The following MARCHF10 variants were observed in gnomAD, a reference collection of about 807,000 sequenced individuals.
MARCHF10 encodes the protein membrane associated ring-CH-type finger 10.
A neutral mutation model predicts 76.2 loss-of-function variants in MARCHF10; 64 were observed. The observed-to-expected ratio is 0.84, with a 90% CI of 0.69 to 1.03. MARCHF10 has a LOEUF of 1.03. Among genes scored for constraint, MARCHF10 ranks in the 50% least tolerant of loss-of-function variants. The pLI, the probability that MARCHF10 is intolerant of heterozygous loss-of-function variation, is 0.00. For missense variants in MARCHF10, 875 were observed against 958.0 expected, an observed-to-expected ratio of 0.91 and a Z score of 1.14; for synonymous variants, 340 against 357.5, an observed-to-expected ratio of 0.95 and a Z score of 0.55.
chr17:62,803,114 AT>A (rs946124485), intron 1 of MARCHF10, among the ~76,000 whole-genome samples: 3 of 152,086 alleles, frequency 2.0e-5, no homozygotes, highest in Admixed American at 1.3e-4. Flanking sequence ...TAGCAAGACC[AT>A]TTCTATTTAA....
chr17:62,728,089 AT>A (rs2090848630), intron 6 of MARCHF10, among the ~76,000 whole-genome samples: 1 of 152,204 alleles, frequency 6.6e-6, no homozygotes, highest in African/African-American at 2.4e-5. Context: ...CCCAGTGGCA[AT>A]CATAGCTCAC....
chr17:62,746,993 C>G, intron 4 of MARCHF10: 1 of 1,527,456 alleles, frequency 6.5e-7, no homozygotes, highest in Non-Finnish European at 8.8e-7. Flanking sequence ...GGAAAAAACC[C>G]TTACTTTCAG....
intron 3 of MARCHF10, among the ~76,000 whole-genome samples, chr17:62,781,531 TAA>T (rs2092657837): frequency 6.6e-6 from 1 of 152,234 alleles, no homozygotes; most frequent in Non-Finnish European, 1.5e-5. Flanking sequence ...AGTACCACTC[TAA>T]AGAACTTCTC....
At chr17:62,724,901 G>A in intron 7 of MARCHF10, 37 bp downstream of exon 7, 2 of 1,606,314 alleles carry the variant, frequency 1.2e-6, no homozygotes, top group South Asian at 1.1e-5. Flanking sequence ...TTAATTACAT[G>A]TCGTGGCACG....
chr17:62,741,448 C>T (rs1450621220), intron 5 of MARCHF10, among the ~76,000 whole-genome samples: 1 of 152,224 alleles, frequency 6.6e-6, no homozygotes, highest in Non-Finnish European at 1.5e-5. Flanking sequence ...GCTATGAAAG[C>T]ATCTCTCTCA....
intron 3 of MARCHF10, among the ~76,000 whole-genome samples, chr17:62,765,351 CAAAAAAAAAA>C (rs57082084): frequency 9.5e-5 from 7 of 73,618 alleles, no homozygotes; most frequent in South Asian, 5.6e-4. Flanking sequence ...GACTCTGTCT[CAAAAAAAAAA>C]AAAAAAAAAA....
chr17:62,744,909 C>T (rs1416709104), intron 4 of MARCHF10, among the ~76,000 whole-genome samples: 1 of 144,824 alleles, frequency 6.9e-6, no homozygotes, highest in East Asian at 2.3e-4. Context: ...GAGGCTGAGG[C>T]AGGAGAATTG....
intron 3 of MARCHF10, among the ~76,000 whole-genome samples, chr17:62,772,279 T>A (rs1022447027): frequency 6.6e-6 from 1 of 152,122 alleles, no homozygotes; most frequent in African/African-American, 2.4e-5. Context: ...AAGGGGAGTT[T>A]CCCTGCACAA....
chr17:62,757,730 C>A (rs1350200164), intron 4 of MARCHF10, among the ~76,000 whole-genome samples: 2 of 152,202 alleles, frequency 1.3e-5, no homozygotes, highest in African/African-American at 4.8e-5. Context: ...AGGGCCAGAA[C>A]GCAGTGATGA....
At chr17:62,793,286 A>ACCCACCACCACCACAACCATCACCC (rs2092908743) in intron 2 of MARCHF10, among the ~76,000 whole-genome samples, 1 of 62,244 alleles carries the variant, frequency 1.6e-5, no homozygotes, top group Non-Finnish European at 3.2e-5. Context: ...AACCATCACC[A>ACCCACCACCACCACAACCATCACCC]CCCACCACCA....
chr17:62,806,051 A>T (rs2093159308), intron 1 of MARCHF10, among the ~76,000 whole-genome samples: 1 of 152,192 alleles, frequency 6.6e-6, no homozygotes, highest in African/African-American at 2.4e-5. Flanking sequence ...TTTTTATTTA[A>T]ATACATCAAG....
chr17:62,804,914 G>A (rs1598097845), intron 1 of MARCHF10: 3 of 152,186 alleles, frequency 2.0e-5, no homozygotes, highest in Non-Finnish European at 1.5e-5. Context: ...AGGTGTATAC[G>A]TTCTGCGGCA....
intron 3 of MARCHF10, among the ~76,000 whole-genome samples, chr17:62,787,698 A>C (rs1402258538): frequency 6.6e-6 from 1 of 152,148 alleles, no homozygotes. Flanking sequence ...AAGTTTTGTG[A>C]CTTCTCTAAG....
At chr17:62,743,873 G>T (rs559046721) in intron 5 of MARCHF10, among the ~76,000 whole-genome samples, 1 of 152,306 alleles carries the variant, frequency 6.6e-6, no homozygotes, top group East Asian at 1.9e-4. Flanking sequence ...TCTCTGAGTT[G>T]AGTGCCCTGG....
chr17:62,747,010 TA>T (rs1396779805), intron 4 of MARCHF10: 1 of 1,479,472 alleles, frequency 6.8e-7, no homozygotes, highest in Non-Finnish European at 9.1e-7. Flanking sequence ...TCAGCGTTTT[TA>T]AAAAATGGCC....
rs1403765254 is a variant in MARCHF10 at position 62,712,844 on chromosome 17, A to G, written c.2215-1500T>C. 6.6e-6 allele frequency among the ~76,000 whole-genome samples: 1 copy of G among 152,178 alleles called. No homozygotes were observed. The highest frequency in any genetic ancestry group is 1.5e-5 in the Non-Finnish European group (1 of 68,028). ...ACTGCAACCTCCACCTCCCAGGTTCAAGCAATTCTCCTGCCTCAGCCTCCT... is the reference window on the plus strand; with the variant it reads ...ACTGCAACCTCCACCTCCCAGGTTCGAGCAATTCTCCTGCCTCAGCCTCCT... On this transcript the variant is annotated intron_variant, in intron 8 of 10. Transcript: ENST00000311269. This position sits in a 1 kb window ranked among gnomAD's most constrained non-coding sequence, Gnocchi z 4.2.
At position 62,725,047 on chromosome 17, in the gene MARCHF10, G is replaced by A. The variant is rs1458024633; in HGVS notation, c.1995C>T (p.Ala665=). The A allele has an allele frequency of 3.1e-6, 5 of 1,608,288 alleles. No individual in the cohort carries two copies. The highest frequency in any genetic ancestry group is 2.2e-5 in the East Asian group (1 of 44,490). Reference sequence around the variant, plus strand: ...GGAGGGGGTTGCTTGGGGAACCCCCGGCTATCTGACAGATGCGACACAAGT... The same window carrying A: ...GGAGGGGGTTGCTTGGGGAACCCCCAGCTATCTGACAGATGCGACACAAGT... ...EGDLCRICQI[A]GGSPSNPLLE... is the part of the protein sequence containing the mutation. Residue 665 remains alanine, a synonymous_variant, in exon 7 of 11, where the codon GCC becomes GCT. Coordinates refer to ENST00000311269, the MANE Select transcript of MARCHF10 (RefSeq NM_152598.4).
intron 6 of MARCHF10, among the ~76,000 whole-genome samples, chr17:62,730,631 C>T (rs2090983816): frequency 6.6e-6 from 1 of 152,192 alleles, no homozygotes; most frequent in Non-Finnish European, 1.5e-5. Context: ...CGTGGTGGCT[C>T]ATGCCTATAA....
chr17:62,772,796 G>C (rs1292568937), intron 3 of MARCHF10, among the ~76,000 whole-genome samples: 2 of 152,202 alleles, frequency 1.3e-5, no homozygotes, highest in East Asian at 3.8e-4. Flanking sequence ...AGCAGCATTA[G>C]CAGGACCTGT....
Sources: allele counts gnomAD v4.1 joint callset (sites outside exome capture counted in the v4.1 genomes callset), GRCh38; gene constraint gnomAD v4.1.1; non-coding constraint Gnocchi (gnomAD v3.1); transcripts MANE v1.5; gene names NCBI Gene and HGNC (gene_info 2026-07-23, HGNC 2026-07-21).